ZNF559: variants seen among roughly 807,000 people sequenced by gnomAD.
The protein encoded by ZNF559 is putative protein product of Nbla00121.
Under a neutral mutation model 14.2 loss-of-function variants are expected in ZNF559, and 17 were observed. The ratio of observed to expected loss-of-function variants is 1.20; its 90% confidence interval spans 0.82 to 1.80. ZNF559 has a LOEUF of 1.80. Among genes scored for constraint, ZNF559 ranks in the 40% most tolerant of loss-of-function variants. The pLI is 0.00. For synonymous variants in ZNF559, 244 were observed against 212.4 expected (o/e 1.15, Z -1.29); for missense variants, 740 against 629.7 (o/e 1.18, Z -1.88).
chr19:9,339,262 CAG>C lies in ZNF559; in HGVS notation c.107_108del (p.Arg36LysfsTer12), dbSNP rs1180221197. The C allele has an allele frequency of 3.1e-6, 5 of 1,613,800 alleles. No individual in the cohort carries two copies. The African/African-American group carries it at 4.0e-5, about 13-fold the overall frequency. ...GGAGTGGACTTTGCTGGATCAAACT[CAG>C]AGAAACTTATACAGAGATGTGATGC... ...QEEWTLLDQT[Q>X]RNLYRDVMLE... On this transcript the variant is annotated frameshift_variant, in exon 5 of 7. Coordinates refer to ENST00000603380, the MANE Select transcript of ZNF559 (RefSeq NM_032497.3). LOFTEE classifies it high-confidence loss of function.
At chr19:9,334,146 C>A (rs374483883) in intron 2 of ZNF559, among the ~76,000 whole-genome samples, 15 of 152,152 alleles carry the variant, frequency 9.9e-5, no homozygotes, top group African/African-American at 3.4e-4. Flanking sequence ...TTGAAATAGC[C>A]CAGAATTAAG....
intron 2 of ZNF559, among the ~76,000 whole-genome samples, chr19:9,332,770 C>T (rs2067008717): frequency 6.6e-6 from 1 of 152,132 alleles, no homozygotes. Context: ...TCTCATCACT[C>T]ATCCAAGATT....
intron 2 of ZNF559, among the ~76,000 whole-genome samples, chr19:9,335,417 G>A (rs1358173340): frequency 6.6e-6 from 1 of 152,142 alleles, no homozygotes; most frequent in Non-Finnish European, 1.5e-5. Flanking sequence ...CTGTGAGCTT[G>A]ATCCTACTAT....
chr19:9,338,976 GAT>G (rs2067391081), intron 4 of ZNF559, among the ~76,000 whole-genome samples: 2 of 152,158 alleles, frequency 1.3e-5, no homozygotes, highest in Admixed American at 1.3e-4. Context: ...GTTGTGCTGA[GAT>G]ATATTCAGTT....
chr19:9,341,100 A>G lies in ZNF559; in HGVS notation c.161-2A>G, dbSNP rs1159902849. ...CTTAAAATTTTTTTCATCTTATTTC[A>G]GATTGGGAGAGTCATATTAATACCA... On this transcript the variant is annotated splice_acceptor_variant, in intron 5 of 6. Transcript: ENST00000603380. LOFTEE classifies it high-confidence loss of function. 2 of 1,588,310 alleles carry G rather than the reference A, an allele frequency of 1.3e-6. No homozygotes were observed. Among genetic ancestry groups the G allele is most frequent in the East Asian group, 2.2e-5 (1 of 44,722 alleles).
chr19:9,333,360 A>G (rs1212720785), intron 2 of ZNF559, among the ~76,000 whole-genome samples: 3 of 152,224 alleles, frequency 2.0e-5, no homozygotes, highest in Non-Finnish European at 4.4e-5. Flanking sequence ...TAATTTAACT[A>G]TATCCTGCCA....
At position 9,337,886 on chromosome 19, in the gene ZNF559, T is replaced by G. The variant is rs945589069; in HGVS notation, c.-57+28T>G. ...ATGAGGCAAGACTCCCACTACTACT[T>G]AATCAAGAGGAATTGAGATTGACTT... On this transcript the variant is annotated intron_variant, in intron 3 of 6. Coordinates refer to ENST00000603380, the MANE Select transcript of ZNF559 (RefSeq NM_032497.3). 13 of 1,530,294 alleles carry G rather than the reference T, an allele frequency of 8.5e-6. No homozygotes were observed. In the African/African-American group the frequency reaches 1.4e-4, roughly 16 times the overall value. The allele number at this position is 1,530,294 out of a possible 1,614,324, so 94.8% of individuals were successfully genotyped here.
chr19:9,324,714 C>G lies in ZNF559; in HGVS notation c.-186C>G. On this transcript the variant is annotated 5_prime_UTR_variant, in exon 2 of 7. Transcript: ENST00000603380. ...TATAAGGAACAGCATCTCTGCCTTC[C>G]TGTTCACGGTGACCTTCGCTTGGTG... The G allele has an allele frequency of 6.5e-7, 1 of 1,535,130 alleles. No homozygotes were observed. The highest frequency in any genetic ancestry group is 8.7e-7 in the Non-Finnish European group (1 of 1,146,628).
At chr19:9,324,175 GC>G (rs2066430436), upstream of ZNF559, 3 of 1,535,944 alleles carry the variant, frequency 2.0e-6, no homozygotes, top group African/African-American at 4.1e-5. Flanking sequence ...GTCTGCGTGG[GC>G]GCATGCGCAT....
At position 9,341,694 on chromosome 19, in the gene ZNF559, G is replaced by A. The variant is rs1344501257; in HGVS notation, c.244-1G>A. 1 of 1,598,144 alleles carries A rather than the reference G, an allele frequency of 6.3e-7. No homozygotes were observed. Among genetic ancestry groups the A allele is most frequent in the African/African-American group, 1.4e-5 (1 of 73,602 alleles). On this transcript the variant is annotated splice_acceptor_variant, in intron 6 of 6. Transcript: ENST00000603380. LOFTEE classifies it high-confidence loss of function. ...GAACCATCATTAATTTTCACCAACA[G>A]GAGAGAAACCATTTTGGAGAGGAAC...
chr19:9,342,999 T>C lies in ZNF559; in HGVS notation c.1548T>C (p.Ser516=). The C allele has an allele frequency of 1.9e-6, 3 of 1,614,186 alleles. No individual in the cohort carries two copies. The highest frequency in any genetic ancestry group is 2.5e-6 in the Non-Finnish European group (3 of 1,180,026). Residue 516 remains serine (S), a synonymous_variant, in exon 7 of 7, where the codon AGT becomes AGC. Transcript: ENST00000603380. ...TYLIRHLRSH[S]VEKPYKECGQ... is the part of the protein sequence containing the mutation. The stretch of plus-strand genomic sequence containing the variant: ...TTATTCGACATCTAAGAAGTCATAG[T>C]GTGGAGAAACCATATAAGGAATGTG...
intron 4 of ZNF559, 27 bp downstream of exon 4, chr19:9,338,609 G>C: frequency 6.5e-7 from 1 of 1,529,078 alleles, no homozygotes; most frequent in Non-Finnish European, 9.1e-7. Flanking sequence ...TTTTTCTGTA[G>C]AAGCATATGC....
intron 2 of ZNF559, among the ~76,000 whole-genome samples, chr19:9,334,466 ACATAAT>A (rs1283524289): frequency 6.6e-6 from 1 of 152,212 alleles, no homozygotes; most frequent in Non-Finnish European, 1.5e-5. Context: ...TGACTCATAA[ACATAAT>A]GTTGAATCAA....
rs1176345295 is a variant in ZNF559 at position 9,342,593 on chromosome 19, A to G, written c.1142A>G (p.Tyr381Cys). Reference sequence around the variant, plus strand: ...AGAACTCACACTGGTGAGAAGCCTTATCAATGTAAGGAATGTGGAAAAGCC... The same window carrying G: ...AGAACTCACACTGGTGAGAAGCCTTGTCAATGTAAGGAATGTGGAAAAGCC... ...HMRTHTGEKP[Y>C]QCKECGKAFI... Residue 381 changes from tyrosine to cysteine, a missense_variant, in exon 7 of 7, where the codon TAT (tyrosine) becomes TGT (cysteine). By Grantham distance (194) the Tyr-to-Cys change is radical (BLOSUM62 -2). Transcript: ENST00000603380. 3.7e-6 allele frequency: 6 copies of G among 1,613,894 alleles called. No individual in the cohort carries two copies. Among genetic ancestry groups the G allele is most frequent in the Non-Finnish European group, 5.1e-6 (6 of 1,179,970 alleles).
Position 9,342,122 on chromosome 19 carries a change from A to G in ZNF559, c.671A>G (p.His224Arg). The change falls in exon 7 of 7, where the codon CAT becomes CGT. Residue 224 changes from histidine (H) to arginine (R), a missense_variant. His to Arg is a conservative substitution (Grantham distance 29). Coordinates refer to ENST00000603380, the MANE Select transcript of ZNF559 (RefSeq NM_032497.3). ...THKEYVETFS[H>R]STALFVHMQT... ...AAGGAGTATGTCGAAACCTTTTCTC[A>G]TTCTACAGCCCTTTTTGTACACATG... The G allele has an allele frequency of 6.2e-7, 1 of 1,613,556 alleles. No homozygotes were observed. Among genetic ancestry groups the G allele is most frequent in the Non-Finnish European group, 8.5e-7 (1 of 1,179,864 alleles).
intron 3 of ZNF559, 94 bp from the exon 4 acceptor site, chr19:9,338,400 G>A: frequency 1.2e-6 from 1 of 851,026 alleles, no homozygotes; most frequent in Non-Finnish European, 1.9e-6. Context: ...ACGTGTGTGT[G>A]TCCACTTAGC....
At chr19:9,327,256 TG>T (rs1568356964) in intron 2 of ZNF559, among the ~76,000 whole-genome samples, 64 of 136,026 alleles carry the variant, frequency 4.7e-4, no homozygotes, top group Non-Finnish European at 7.6e-4. Flanking sequence ...TTTTTGTTTT[TG>T]TTTTTGTTTT....
At chr19:9,324,658 A>G (rs1207310495) in intron 1 of ZNF559, 37 bp from the exon 2 acceptor site, 3 of 1,056,452 alleles carry the variant, frequency 2.8e-6, no homozygotes, top group East Asian at 3.0e-5. Context: ...AAAAAAAAAA[A>G]GTCTCCACAT....
chr19:9,328,348 C>CTTTTTTTTTTTT (rs904074002), intron 2 of ZNF559, among the ~76,000 whole-genome samples: 11 of 60,988 alleles, frequency 1.8e-4, no homozygotes, highest in African/African-American at 6.3e-4. Flanking sequence ...GCTTGTTTGT[C>CTTTTTTTTTTTT]TTTTTTTTTT....
Sources: allele counts gnomAD v4.1 joint callset (sites outside exome capture counted in the v4.1 genomes callset), GRCh38; gene constraint gnomAD v4.1.1; transcripts MANE v1.5; gene names NCBI Gene and HGNC (gene_info 2026-07-23, HGNC 2026-07-21).